DMD: variants seen among roughly 807,000 people sequenced by gnomAD.
DMD encodes the protein mutant dystrophin.
A neutral mutation model predicts 330.1 loss-of-function variants in DMD; 63 were observed. The observed-to-expected ratio is 0.19, with a 90% CI of 0.16 to 0.24. DMD has a LOEUF of 0.24. Ranked by LOEUF, DMD falls within the 10% of genes least tolerant of loss-of-function variation. The pLI is 1.00. For synonymous variants in DMD, 1,223 were observed against 959.8 expected (o/e 1.27, Z -5.07); for missense variants, 3,344 against 2,684.1 (o/e 1.25, Z -5.43).
At chrX:32,036,178 ACATT>A (rs1372802947) in intron 44 of DMD, among the ~76,000 whole-genome samples, 2 of 111,732 alleles carry the variant, frequency 1.8e-5, no homozygotes, top group Non-Finnish European at 3.8e-5. Context: ...GAAAATGAAC[ACATT>A]CAGATTTTTG....
chrX:33,325,816 C>T (rs1451397249), intron 1 of DMD, among the ~76,000 whole-genome samples: 3 of 111,711 alleles, frequency 2.7e-5, no homozygotes, highest in Non-Finnish European at 3.8e-5. Flanking sequence ...CACATTTTTG[C>T]TTTGTGTTAC....
intron 9 of DMD, among the ~76,000 whole-genome samples, chrX:32,658,902 C>G (rs2060768006): frequency 8.9e-6 from 1 of 111,799 alleles, no homozygotes; most frequent in Admixed American, 9.6e-5. Flanking sequence ...TTGAACTTGG[C>G]AAAGTTTTTT....
intron 47 of DMD, among the ~76,000 whole-genome samples, chrX:31,889,663 ACACACACACACACACACACG>A (rs1259374177): frequency 4.2e-4 from 32 of 76,464 alleles, no homozygotes; most frequent in South Asian, 1.6e-3. Flanking sequence ...ACACACACAC[ACACACACACACACACACACG>A]CACACCACAG....
chrX:32,602,153 C>T (rs1396140600), intron 12 of DMD, among the ~76,000 whole-genome samples: 2 of 111,786 alleles, frequency 1.8e-5, no homozygotes, highest in Admixed American at 1.9e-4. Context: ...AATTTATTTA[C>T]ACTACATTAA....
intron 21 of DMD, among the ~76,000 whole-genome samples, chrX:32,479,052 T>C (rs950752148): frequency 1.9e-4 from 21 of 111,538 alleles, no homozygotes; most frequent in African/African-American, 6.2e-4. Context: ...TTTATTAGAA[T>C]TTAAGAGTTT....
chrX:32,766,590 T>C (rs1176628764), intron 7 of DMD, among the ~76,000 whole-genome samples: 9 of 111,623 alleles, frequency 8.1e-5, no homozygotes, highest in Admixed American at 2.9e-4. Flanking sequence ...AGCAGGTTTT[T>C]TGTGTGGAAA....
intron 61 of DMD, among the ~76,000 whole-genome samples, chrX:31,345,963 G>T (rs2058057862): frequency 9.0e-6 from 1 of 111,013 alleles, no homozygotes; most frequent in Non-Finnish European, 1.9e-5. Flanking sequence ...TGTTCAAAAA[G>T]ACAACAGCCA....
At chrX:31,821,466 A>T (rs770360326) in intron 49 of DMD, among the ~76,000 whole-genome samples, 2 of 112,250 alleles carry the variant, frequency 1.8e-5, no homozygotes, top group South Asian at 3.7e-4. Context: ...ATCATTTTCA[A>T]TAGGATTTCA....
At chrX:31,138,162 G>C (rs186671503) in intron 76 of DMD, among the ~76,000 whole-genome samples, 3 of 111,658 alleles carry the variant, frequency 2.7e-5, no homozygotes, top group Non-Finnish European at 1.9e-5. Context: ...ATGTGCACAA[G>C]AAGCATATGG....
chrX:32,484,262 T>A (rs2042204211), intron 21 of DMD, among the ~76,000 whole-genome samples: 1 of 111,871 alleles, frequency 8.9e-6, no homozygotes, highest in African/African-American at 3.2e-5. Flanking sequence ...AGTTGATGAG[T>A]AGAGATATTT....
At chrX:31,807,735 T>C (rs939500948) in intron 50 of DMD, among the ~76,000 whole-genome samples, 4 of 111,724 alleles carry the variant, frequency 3.6e-5, no homozygotes. Context: ...GAGAGTATTG[T>C]TGTTTAATTT....
At chrX:31,744,152 G>A (rs1371072143) in intron 51 of DMD, among the ~76,000 whole-genome samples, 1 of 111,985 alleles carries the variant, frequency 8.9e-6, no homozygotes, top group Non-Finnish European at 1.9e-5. Context: ...ACAGGTGTGA[G>A]CCACTGCACC....
At chrX:31,151,623 C>G (rs1489832044) in intron 74 of DMD, among the ~76,000 whole-genome samples, 1 of 112,288 alleles carries the variant, frequency 8.9e-6, no homozygotes, top group African/African-American at 3.2e-5. Context: ...TTGGTGGTTT[C>G]CAGTGAAAAC....
intron 76 of DMD, among the ~76,000 whole-genome samples, chrX:31,135,090 CAATTGAAA>C (rs2035039322): frequency 8.9e-6 from 1 of 111,752 alleles, no homozygotes; most frequent in African/African-American, 3.2e-5. Flanking sequence ...AAGAAAAAGT[CAATTGAAA>C]AAGGTAAAAC....
chrX:32,556,992 G>C (rs1438836601), intron 16 of DMD, among the ~76,000 whole-genome samples: 1 of 111,430 alleles, frequency 9.0e-6, no homozygotes, highest in Non-Finnish European at 1.9e-5. Flanking sequence ...CATGATCCAG[G>C]CATTACAATA....
chrX:33,230,678 G>A (rs1374645635), intron 1 of DMD, among the ~76,000 whole-genome samples: 1 of 110,704 alleles, frequency 9.0e-6, no homozygotes, highest in African/African-American at 3.3e-5. Context: ...GCGATTCAGT[G>A]TTCTTAAGGA....
At chrX:32,797,330 C>G (rs756098326) in intron 7 of DMD, among the ~76,000 whole-genome samples, 1 of 112,420 alleles carries the variant, frequency 8.9e-6, no homozygotes, top group South Asian at 3.7e-4. Context: ...CAGTTAACTC[C>G]ATTTTGAAGA....
intron 2 of DMD, among the ~76,000 whole-genome samples, chrX:32,877,446 T>A (rs377495048): frequency 8.9e-6 from 1 of 112,696 alleles, no homozygotes; most frequent in South Asian, 3.6e-4. Context: ...TATTTTTTCT[T>A]TTAACTCTAG....
intron 2 of DMD, among the ~76,000 whole-genome samples, chrX:32,897,970 ATTTTAT>A (rs750942864): frequency 1.4e-4 from 16 of 112,413 alleles, no homozygotes; most frequent in Non-Finnish European, 2.6e-4. Context: ...TAGAATTATC[ATTTTAT>A]TTTTAAGAGT....
Sources: allele counts gnomAD v4.1 joint callset (sites outside exome capture counted in the v4.1 genomes callset), GRCh38; gene constraint gnomAD v4.1.1; transcripts MANE v1.5; gene names NCBI Gene and HGNC (gene_info 2026-07-23, HGNC 2026-07-21).